TCF4: variants seen among roughly 807,000 people sequenced by gnomAD.
TCF4 encodes SL3-3 enhancer factor 2.
TCF4 carries 3 observed loss-of-function variants against 82.1 expected under a neutral mutation model. The ratio of observed to expected loss-of-function variants is 0.04; its 90% CI spans 0.02 to 0.09. TCF4 has a LOEUF of 0.09. TCF4 is among the 10% of genes least tolerant of loss of function. The probability of loss-of-function intolerance (pLI) is 1.00; values close to 1 mark genes in which losing one functional copy is unlikely to be tolerated. For missense variants in TCF4, 518 were observed against 852.7 expected, an observed-to-expected ratio of 0.61 and a Z score of 4.89; for synonymous variants, 276 against 309.6, an observed-to-expected ratio of 0.89 and a Z score of 1.14.
intron 2 of TCF4, among the ~76,000 whole-genome samples, chr18:55,625,343 A>G (rs922192894): frequency 9.9e-5 from 15 of 150,802 alleles, no homozygotes; most frequent in Non-Finnish European, 2.2e-4. Context: ...GGTTCAAGTG[A>G]TCCTCCTGCC....
At chr18:55,438,245 A>G (rs1171637550) in intron 5 of TCF4, among the ~76,000 whole-genome samples, 1 of 151,156 alleles carries the variant, frequency 6.6e-6, no homozygotes, top group Non-Finnish European at 1.5e-5. Flanking sequence ...GATTGACCAC[A>G]GCTGCTTCCT....
chr18:55,275,827 C>G, intron 9 of TCF4, 75 bp from the exon 10 acceptor site: 1 of 1,573,844 alleles, frequency 6.4e-7, no homozygotes. Flanking sequence ...TTTTCATATA[C>G]TTGAAAATGA....
intron 3 of TCF4, among the ~76,000 whole-genome samples, chr18:55,569,138 G>T (rs1568421970): frequency 6.7e-6 from 1 of 149,970 alleles, no homozygotes; most frequent in African/African-American, 2.5e-5. Flanking sequence ...TGAAAATCAG[G>T]AATAAGACAA....
chr18:55,245,388 T>C (rs1282975991), intron 15 of TCF4, among the ~76,000 whole-genome samples: 2 of 152,242 alleles, frequency 1.3e-5, no homozygotes, highest in African/African-American at 4.8e-5. Flanking sequence ...ATGAATGACA[T>C]AACTGAATTA....
intron 6 of TCF4, among the ~76,000 whole-genome samples, chr18:55,393,883 T>C (rs1311767238): frequency 6.6e-6 from 1 of 152,234 alleles, no homozygotes; most frequent in Non-Finnish European, 1.5e-5. Flanking sequence ...AGCTTGCCAA[T>C]TTAATTGAGG....
chr18:55,319,408 C>T (rs1443976597), intron 8 of TCF4, among the ~76,000 whole-genome samples: 1 of 152,148 alleles, frequency 6.6e-6, no homozygotes, highest in Non-Finnish European at 1.5e-5. Context: ...TTGGCCCCTT[C>T]CTTGGGACAC....
intron 5 of TCF4, among the ~76,000 whole-genome samples, chr18:55,432,436 G>A (rs906152416): frequency 6.6e-6 from 1 of 152,118 alleles, no homozygotes; most frequent in Non-Finnish European, 1.5e-5. Context: ...GACTTACTGT[G>A]CTTCAAATCT....
chr18:55,360,628 T>C (rs1197274326), intron 6 of TCF4, among the ~76,000 whole-genome samples: 2 of 151,940 alleles, frequency 1.3e-5, no homozygotes, highest in African/African-American at 4.8e-5. Context: ...CCATACATAA[T>C]ATGTAAATAA....
At chr18:55,422,244 G>C in intron 5 of TCF4, 1 of 985,044 alleles carries the variant, frequency 1.0e-6, no homozygotes, top group Non-Finnish European at 1.2e-6. Flanking sequence ...CCAAATACGT[G>C]ATGAAGAGTC....
intron 3 of TCF4, among the ~76,000 whole-genome samples, chr18:55,470,941 T>C (rs761279869): frequency 3.9e-5 from 6 of 152,166 alleles, no homozygotes; most frequent in African/African-American, 9.7e-5. Flanking sequence ...CACTATTAAA[T>C]ATCCTCTACA....
intron 6 of TCF4, among the ~76,000 whole-genome samples, chr18:55,380,631 G>A (rs565219487): frequency 6.6e-6 from 1 of 152,290 alleles, no homozygotes; most frequent in Admixed American, 6.5e-5. Flanking sequence ...AAAGAGTAAC[G>A]GAAATGTCAG....
At chr18:55,425,733 A>C (rs1364073032) in intron 5 of TCF4, among the ~76,000 whole-genome samples, 1 of 152,212 alleles carries the variant, frequency 6.6e-6, no homozygotes, top group Non-Finnish European at 1.5e-5. Context: ...AGCCTATTCT[A>C]GCTCAAGATC....
At chr18:55,629,759 C>G (rs531375257) in intron 2 of TCF4, among the ~76,000 whole-genome samples, 4 of 152,306 alleles carry the variant, frequency 2.6e-5, no homozygotes, top group South Asian at 2.1e-4. Context: ...TATCTAAAAA[C>G]TTTTATGTAA....
intron 2 of TCF4, among the ~76,000 whole-genome samples, chr18:55,614,138 TC>T (rs2097709684): frequency 6.6e-6 from 1 of 152,262 alleles, no homozygotes; most frequent in African/African-American, 2.4e-5. Context: ...CAAGTGAGCC[TC>T]CCGCCTTAGC....
chr18:55,251,590 C>T (rs1415161550), intron 15 of TCF4, among the ~76,000 whole-genome samples: 3 of 152,046 alleles, frequency 2.0e-5, no homozygotes, highest in Non-Finnish European at 4.4e-5. Context: ...GAGAAGCGTA[C>T]GGAGGTCGAG....
At chr18:55,295,271 G>A (rs572562079) in intron 8 of TCF4, among the ~76,000 whole-genome samples, 1 of 152,292 alleles carries the variant, frequency 6.6e-6, no homozygotes, top group South Asian at 2.1e-4. Flanking sequence ...GGCTGCAGGT[G>A]TGTCATTCCT....
intron 8 of TCF4, among the ~76,000 whole-genome samples, chr18:55,310,760 G>A (rs1205949307): frequency 2.0e-5 from 3 of 152,234 alleles, no homozygotes; most frequent in Non-Finnish European, 4.4e-5. Context: ...AACAATGTCC[G>A]TAATGCCAAA....
chr18:55,332,005 C>T (rs2147779743), intron 8 of TCF4: 2 of 152,304 alleles, frequency 1.3e-5, no homozygotes, highest in South Asian at 4.1e-4. Context: ...ATGGACACAT[C>T]TATTGTCACT....
At chr18:55,430,935 A>T (rs2095171490) in intron 5 of TCF4, among the ~76,000 whole-genome samples, 1 of 152,188 alleles carries the variant, frequency 6.6e-6, no homozygotes, top group Non-Finnish European at 1.5e-5. Flanking sequence ...GAGAAACCAC[A>T]CTTTGATAAT....
Sources: allele counts gnomAD v4.1 joint callset (sites outside exome capture counted in the v4.1 genomes callset), GRCh38; gene constraint gnomAD v4.1.1; transcripts MANE v1.5; gene names NCBI Gene and HGNC (gene_info 2026-07-23, HGNC 2026-07-21).